The following CHST9 variants were observed in gnomAD, a reference collection of about 807,000 sequenced individuals.
CHST9 encodes carbohydrate sulfotransferase 9.
CHST9 carries 41 observed loss-of-function variants against 44.4 expected under a neutral mutation model. The observed-to-expected ratio is 0.92, with a 90% confidence interval of 0.72 to 1.20. The LOEUF (loss-of-function observed/expected upper bound fraction) is 1.20, where lower values mean the gene tolerates loss of function less well. CHST9 is among the 50% of genes most tolerant of loss of function. The pLI is 0.00. For synonymous variants in CHST9, 171 were observed against 178.4 expected, an observed-to-expected ratio of 0.96 and a Z score of 0.33; for missense variants, 504 against 516.5, an observed-to-expected ratio of 0.98 and a Z score of 0.23.
At chr18:27,072,405 A>T (rs1456029052) in intron 2 of CHST9, among the ~76,000 whole-genome samples, 1 of 152,008 alleles carries the variant, frequency 6.6e-6, no homozygotes. Context: ...CTCATGATGA[A>T]CATTGAAGAC....
At chr18:27,148,611 T>C (rs1301211630) in intron 1 of CHST9, among the ~76,000 whole-genome samples, 2 of 151,196 alleles carry the variant, frequency 1.3e-5, no homozygotes, top group Admixed American at 6.6e-5. Flanking sequence ...GGCTGCATAG[T>C]ATTCCATGGT....
At chr18:26,983,194 T>G (rs2056713814) in intron 4 of CHST9, among the ~76,000 whole-genome samples, 1 of 152,162 alleles carries the variant, frequency 6.6e-6, no homozygotes, top group Admixed American at 6.5e-5. Flanking sequence ...CCTAGACCAG[T>G]GTGTTTCAAA....
At chr18:26,999,448 A>G (rs2056923604) in intron 4 of CHST9, among the ~76,000 whole-genome samples, 1 of 152,234 alleles carries the variant, frequency 6.6e-6, no homozygotes, top group Non-Finnish European at 1.5e-5. Context: ...TCACTGATGC[A>G]GTGTGCTCTA....
At chr18:27,169,853 C>G (rs561777485) in intron 1 of CHST9, among the ~76,000 whole-genome samples, 1 of 152,136 alleles carries the variant, frequency 6.6e-6, no homozygotes. Context: ...GTGATCCTCC[C>G]GCCTCGGCCT....
chr18:27,102,440 C>T (rs553033775), intron 2 of CHST9, among the ~76,000 whole-genome samples: 6 of 151,940 alleles, frequency 3.9e-5, no homozygotes, highest in East Asian at 1.9e-4. Context: ...GGTCTAGTGG[C>T]GCAAACTATT....
At chr18:27,010,572 T>C (rs2145244467) in intron 4 of CHST9, among the ~76,000 whole-genome samples, 1 of 152,284 alleles carries the variant, frequency 6.6e-6, no homozygotes, top group South Asian at 2.1e-4. Flanking sequence ...TGTGGGGCTG[T>C]GGATGAGGAA....
intron 1 of CHST9, among the ~76,000 whole-genome samples, chr18:27,144,494 C>G (rs1359039914): frequency 1.3e-5 from 2 of 152,110 alleles, no homozygotes; most frequent in Non-Finnish European, 2.9e-5. Context: ...ACCTGAGCAG[C>G]ATGGTGAAAC....
At chr18:27,069,101 A>C (rs942818497) in intron 2 of CHST9, among the ~76,000 whole-genome samples, 3 of 152,172 alleles carry the variant, frequency 2.0e-5, no homozygotes, top group African/African-American at 7.2e-5. Context: ...CTTCCAGTAG[A>C]TTTTAAGCTC....
intron 2 of CHST9, among the ~76,000 whole-genome samples, chr18:27,104,592 T>A (rs2058204601): frequency 6.6e-6 from 1 of 152,210 alleles, no homozygotes; most frequent in Non-Finnish European, 1.5e-5. Context: ...TTAGTAATTC[T>A]GATGGTGCAT....
chr18:26,960,155 G>A (rs2056381166), intron 4 of CHST9, among the ~76,000 whole-genome samples: 1 of 152,156 alleles, frequency 6.6e-6, no homozygotes, highest in African/African-American at 2.4e-5. Context: ...TCCCACAGGA[G>A]GCAGAAATAG....
chr18:27,136,961 A>AT (rs2058518146), intron 2 of CHST9, among the ~76,000 whole-genome samples: 3 of 152,164 alleles, frequency 2.0e-5, no homozygotes, highest in African/African-American at 4.8e-5. Context: ...ATCTGTATTG[A>AT]TTTTTACTGC....
At chr18:27,156,383 A>C (rs1395851125) in intron 1 of CHST9, among the ~76,000 whole-genome samples, 2 of 152,140 alleles carry the variant, frequency 1.3e-5, no homozygotes, top group Admixed American at 1.3e-4. Context: ...GGTACTATGT[A>C]TATAATCAAT....
intron 4 of CHST9, among the ~76,000 whole-genome samples, chr18:26,985,178 A>G (rs975492240): frequency 1.3e-5 from 2 of 152,238 alleles, no homozygotes; most frequent in African/African-American, 4.8e-5. Context: ...TGAATGAACT[A>G]CTACTACATG....
rs1197920737 is a variant in CHST9, at chr18:27,052,463, T to C, written c.122-3960A>G. ...TGAACTGTTTAGATGGAGACGACCC[T>C]CTAGGCTTCCTTCTTTAGTATCTTT... On this transcript the variant is annotated intron_variant, in intron 2 of 5. Coordinates refer to ENST00000618847, the MANE Select transcript of CHST9 (RefSeq NM_031422.6). Among the ~76,000 whole-genome samples the C allele has an allele frequency of 2.0e-5, 3 of 152,126 alleles. No homozygotes were observed. The East Asian group carries it at 5.8e-4, about 29-fold the overall frequency.
chr18:26,961,184 T>G (rs1234992891), intron 4 of CHST9, among the ~76,000 whole-genome samples: 3 of 152,200 alleles, frequency 2.0e-5, no homozygotes, highest in Non-Finnish European at 2.9e-5. Flanking sequence ...CTGCTTTCAG[T>G]GTCCAGCTTG....
chr18:27,161,334 G>T (rs915412259), intron 1 of CHST9, among the ~76,000 whole-genome samples: 26 of 152,046 alleles, frequency 1.7e-4, no homozygotes, highest in Non-Finnish European at 3.7e-4. Context: ...TTGTTTCAAA[G>T]AACATCTTTA....
chr18:27,053,279 G>GAA lies in CHST9; in HGVS notation c.122-4777_122-4776insTT, dbSNP rs1568151312. Among the ~76,000 whole-genome samples the GAA allele has an allele frequency of 2.3e-3, 310 of 133,646 alleles. 11 individuals carry two copies. The highest frequency in any genetic ancestry group is 7.8e-3 in the African/African-American group (276 of 35,490). The allele number at this position is 133,646 out of a possible 152,430, so 87.7% of individuals were successfully genotyped here. On this transcript the variant is annotated intron_variant, in intron 2 of 5. Transcript: ENST00000618847. The stretch of plus-strand genomic sequence containing the variant: ...AGAAGAAGGAGAAGGAGAAGGAGAA[G>GAA]GAGAAGGAGAAGGAGAAGGAGAAGG...
At chr18:27,168,813 A>G (rs901890220) in intron 1 of CHST9, among the ~76,000 whole-genome samples, 21 of 152,222 alleles carry the variant, frequency 1.4e-4, no homozygotes, top group African/African-American at 4.3e-4. Flanking sequence ...AATTTTACAG[A>G]AATAATTAAT....
chr18:27,134,825 GA>G (rs2058500391), intron 2 of CHST9, among the ~76,000 whole-genome samples: 1 of 151,620 alleles, frequency 6.6e-6, no homozygotes, highest in Admixed American at 6.6e-5. Flanking sequence ...ACATAAATCA[GA>G]AAAAAACTGG....
Sources: allele counts gnomAD v4.1 joint callset (sites outside exome capture counted in the v4.1 genomes callset), GRCh38; gene constraint gnomAD v4.1.1; transcripts MANE v1.5; gene names NCBI Gene and HGNC (gene_info 2026-07-23, HGNC 2026-07-21).